ZFAND3: variants seen among roughly 807,000 people sequenced by gnomAD.
ZFAND3 encodes the protein AN1-type zinc finger protein 3.
In ZFAND3, 10 loss-of-function variants were observed where a neutral mutation model predicts 29.6. The ratio of observed to expected loss-of-function variants is 0.34; its 90% CI spans 0.21 to 0.57. The LOEUF is 0.57. Ranked by LOEUF, ZFAND3 falls within the 20% of genes least tolerant of loss-of-function variation. The pLI is 0.86. For missense variants in ZFAND3, 230 were observed against 304.5 expected, an observed-to-expected ratio of 0.76 and a Z score of 1.82; for synonymous variants, 128 against 112.6, an observed-to-expected ratio of 1.14 and a Z score of -0.87.
intron 2 of ZFAND3, among the ~76,000 whole-genome samples, chr6:38,059,049 T>A (rs893498310): frequency 6.6e-6 from 1 of 152,238 alleles, no homozygotes; most frequent in Non-Finnish European, 1.5e-5. Flanking sequence ...TGAATTGATA[T>A]AATAAACTAT....
chr6:37,901,352 G>T (rs1329218861), intron 1 of ZFAND3, among the ~76,000 whole-genome samples: 3 of 152,188 alleles, frequency 2.0e-5, no homozygotes, highest in African/African-American at 7.2e-5. Flanking sequence ...CATGAACAAG[G>T]CTGTGTTGGC....
chr6:38,035,372 A>T (rs964438464), intron 2 of ZFAND3, among the ~76,000 whole-genome samples: 1 of 152,278 alleles, frequency 6.6e-6, no homozygotes, highest in African/African-American at 2.4e-5. Flanking sequence ...ATGCTGCTCT[A>T]ATTTTGCTTA....
At chr6:38,087,806 A>G (rs950278588) in intron 4 of ZFAND3, among the ~76,000 whole-genome samples, 3 of 152,234 alleles carry the variant, frequency 2.0e-5, no homozygotes, top group Non-Finnish European at 2.9e-5. Context: ...TTGGGCTCCC[A>G]TATGATCCAG....
chr6:38,011,051 T>C (rs1763142590), intron 2 of ZFAND3, among the ~76,000 whole-genome samples: 1 of 152,078 alleles, frequency 6.6e-6, no homozygotes, highest in African/African-American at 2.4e-5. Flanking sequence ...CTCATTTTGC[T>C]TTTTCTAAAA....
intron 4 of ZFAND3, among the ~76,000 whole-genome samples, chr6:38,087,686 A>G (rs964702743): frequency 1.3e-5 from 2 of 152,236 alleles, no homozygotes; most frequent in African/African-American, 4.8e-5. Context: ...AAGACAGGCA[A>G]TAACAAGTAT....
intron 2 of ZFAND3, among the ~76,000 whole-genome samples, chr6:38,024,182 T>A (rs1347566803): frequency 6.6e-6 from 1 of 151,958 alleles, no homozygotes; most frequent in Non-Finnish European, 1.5e-5. Flanking sequence ...TATAAAAAAG[T>A]ACATATATGG....
chr6:37,918,889 T>C (rs1312654187), intron 1 of ZFAND3, among the ~76,000 whole-genome samples: 2 of 151,988 alleles, frequency 1.3e-5, no homozygotes, highest in African/African-American at 4.8e-5. Flanking sequence ...AATTCTCAGA[T>C]ACTTGCTCTT....
chr6:37,988,788 C>T (rs1762711684), intron 2 of ZFAND3, among the ~76,000 whole-genome samples: 2 of 152,156 alleles, frequency 1.3e-5, no homozygotes, highest in Non-Finnish European at 1.5e-5. Context: ...TGAATATTTG[C>T]TCTATGTTAG....
rs562084664 is a variant in ZFAND3, at chr6:37,957,624, G to A, written c.112+27625G>A. Among the ~76,000 whole-genome samples the A allele has an allele frequency of 1.4e-4, 22 of 152,228 alleles. No homozygotes were observed. The South Asian group carries it at 4.1e-3, about 29-fold the overall frequency. ...TGTAGTATCTTGAAACTAGAAGCTG[G>A]TATGGAATAATTGTTGCACAGATTT... On this transcript the variant is annotated intron_variant, in intron 2 of 5. Transcript: ENST00000287218.
chr6:37,863,966 T>C (rs1175913407), intron 1 of ZFAND3, among the ~76,000 whole-genome samples: 1 of 152,014 alleles, frequency 6.6e-6, no homozygotes, highest in Non-Finnish European at 1.5e-5. Flanking sequence ...ACTAGACTAG[T>C]GACAAACAGT....
chr6:38,053,050 A>G (rs535926027), intron 2 of ZFAND3, among the ~76,000 whole-genome samples: 160 of 148,986 alleles, frequency 1.1e-3, no homozygotes, highest in Middle Eastern at 0.01. Flanking sequence ...AAAAAAAAAG[A>G]AAAAGAAAAA....
chr6:38,154,054 C>T lies in ZFAND3; in HGVS notation c.*1665C>T. 1 of 985,536 alleles carries T rather than the reference C, an allele frequency of 1.0e-6. No individual in the cohort carries two copies. The highest frequency in any genetic ancestry group is 1.2e-6 in the Non-Finnish European group (1 of 829,974). 61.0% of individuals were successfully genotyped at this position (985,536 alleles called of 1,614,324 possible). A position where few individuals can be genotyped will look rare whatever the true frequency, so the allele number is the denominator to read the frequency against. ...CAGAGTGGAACCCGCTGCAAAATCC[C>T]CAGCCTTAATTCTTGCTTCAGGACC... On this transcript the variant is annotated 3_prime_UTR_variant, in exon 6 of 6. Coordinates refer to ENST00000287218, the MANE Select transcript of ZFAND3 (RefSeq NM_021943.3).
At chr6:38,051,235 T>G (rs1358446047) in intron 2 of ZFAND3, among the ~76,000 whole-genome samples, 1 of 152,182 alleles carries the variant, frequency 6.6e-6, no homozygotes, top group East Asian at 1.9e-4. Context: ...TATTTTTTTG[T>G]CTTTTCTCCT....
At position 38,153,561 on chromosome 6, in the gene ZFAND3, G is replaced by A. The variant is rs990353933; in HGVS notation, c.*1172G>A. The A allele has an allele frequency of 2.4e-4, 239 of 985,404 alleles. No homozygotes were observed. The highest frequency in any genetic ancestry group is 5.2e-4 in the Middle Eastern group (1 of 1,936). The allele number at this position is 985,404 out of a possible 1,614,324, so 61.0% of individuals were successfully genotyped here. On this transcript the variant is annotated 3_prime_UTR_variant, in exon 6 of 6. Transcript: ENST00000287218. ...CGGTTTGTGGCTGTGGCCCAGCTCC[G>A]AGAGTGATATTTGCTCTGGTAGGTG...
intron 2 of ZFAND3, among the ~76,000 whole-genome samples, chr6:38,025,352 T>C (rs1763427394): frequency 6.6e-6 from 1 of 152,218 alleles, no homozygotes; most frequent in Non-Finnish European, 1.5e-5. Flanking sequence ...GTGGTTTGTT[T>C]TTATCCCCCC....
At chr6:38,060,490 G>C (rs759424274) in intron 2 of ZFAND3, among the ~76,000 whole-genome samples, 2 of 136,204 alleles carry the variant, frequency 1.5e-5, no homozygotes, top group African/African-American at 2.8e-5. Flanking sequence ...TTCCTGTCCT[G>C]TCCTGTCCTC....
At chr6:37,849,673 G>A (rs563592255) in intron 1 of ZFAND3, among the ~76,000 whole-genome samples, 29 of 152,280 alleles carry the variant, frequency 1.9e-4, no homozygotes, top group African/African-American at 7.0e-4. Flanking sequence ...GCCTCCCAAA[G>A]TGCTGGGATT....
intron 2 of ZFAND3, among the ~76,000 whole-genome samples, chr6:38,011,842 A>C (rs966115868): frequency 9.2e-5 from 14 of 152,238 alleles, no homozygotes; most frequent in African/African-American, 3.1e-4. Flanking sequence ...GATTCGGGGA[A>C]GGTAAAACTT....
chr6:37,945,908 A>G (rs1761893502), intron 2 of ZFAND3, among the ~76,000 whole-genome samples: 1 of 152,218 alleles, frequency 6.6e-6, no homozygotes, highest in Admixed American at 6.5e-5. Context: ...TACCTGAGGC[A>G]CTGCTGGTCA....
Sources: gnomAD v4.1 joint callset for allele counts (sites outside exome capture counted in the v4.1 genomes callset) on GRCh38, gnomAD v4.1.1 for gene constraint, MANE v1.5 for transcripts, NCBI Gene and HGNC (gene_info 2026-07-23, HGNC 2026-07-21) for gene names.